PDE5A: variants seen among roughly 807,000 people sequenced by gnomAD.
The protein encoded by PDE5A is phosphodiesterase 5A.
In PDE5A, 67 loss-of-function variants were observed where a neutral mutation model predicts 110.2. The observed-to-expected ratio is 0.61, with a 90% confidence interval of 0.50 to 0.75. PDE5A has a LOEUF of 0.75. PDE5A is among the 30% of genes least tolerant of loss of function. The pLI, the probability that PDE5A is intolerant of heterozygous loss-of-function variation, is 0.00. For missense variants in PDE5A, 862 were observed against 1,045.1 expected (o/e 0.82, Z 2.42); for synonymous variants, 328 against 351.2 (o/e 0.93, Z 0.74).
In PDE5A at chr4:119,627,338, C is replaced by T; in HGVS notation, c.152+1182G>A. 9.1e-7 allele frequency: 1 copy of T among 1,101,438 alleles called. No individual in the cohort carries two copies. The highest frequency in any genetic ancestry group is 1.1e-6 in the Non-Finnish European group (1 of 900,320). The allele number at this position is 1,101,438 out of a possible 1,614,324, so 68.2% of individuals were successfully genotyped here. Reference sequence around the variant, plus strand: ...GCCGCCGCCCGTCGCCTCCCGCTCGCCCCGCGCTGCGCCGCCCCCTGGCGG... The same window carrying T: ...GCCGCCGCCCGTCGCCTCCCGCTCGTCCCGCGCTGCGCCGCCCCCTGGCGG... On this transcript the variant is annotated intron_variant, in intron 1 of 20. Transcript: ENST00000354960. This position sits in a 1 kb window ranked among gnomAD's most constrained non-coding sequence, Gnocchi z 4.6.
chr4:119,581,153 T>C (rs1433618227), intron 3 of PDE5A, among the ~76,000 whole-genome samples: 1 of 152,126 alleles, frequency 6.6e-6, no homozygotes, highest in East Asian at 1.9e-4. Context: ...CAGTATAGAG[T>C]GGTGTGCCCA....
At position 119,498,733 on chromosome 4, in the gene PDE5A, C is replaced by T; in HGVS notation, c.2496G>A (p.Leu832=). The change falls in exon 21 of 21, where the codon CTG becomes CTA. Residue 832 remains leucine, a synonymous_variant. Coordinates refer to ENST00000354960, the MANE Select transcript of PDE5A (RefSeq NM_001083.4). ...GGAAACAGTCCTCTGACACGTGGGTCAGGGCCTAAAGAGAAAAAAGAAAGC... is the reference window on the plus strand; with the variant it reads ...GGAAACAGTCCTCTGACACGTGGGTTAGGGCCTAAAGAGAAAAAAGAAAGC... ...DAICLQLYEA[L]THVSEDCFPL... 1 of 1,613,798 alleles carries T rather than the reference C, an allele frequency of 6.2e-7. No individual in the cohort carries two copies. The highest frequency in any genetic ancestry group is 2.2e-5 in the East Asian group (1 of 44,864).
chr4:119,527,768 G>A (rs1033036250), intron 11 of PDE5A, among the ~76,000 whole-genome samples: 3 of 150,918 alleles, frequency 2.0e-5, no homozygotes, highest in South Asian at 2.1e-4. Flanking sequence ...ATTGCATTAC[G>A]GTTTTGAAGC....
chr4:119,498,700 T>C lies in PDE5A; in HGVS notation c.2529A>G (p.Leu843=), dbSNP rs1725180879. Residue 843 remains leucine, a synonymous_variant, in exon 21 of 21, where the codon CTA becomes CTG. Transcript: ENST00000354960. The part of the protein sequence containing the change: ...THVSEDCFPL[L]DGCRKNRQKW... ...TCTGCCTGTTCTTTCTGCAGCCATCTAGCAAAGGGAAACAGTCCTCTGACA... is the reference window on the plus strand; with the variant it reads ...TCTGCCTGTTCTTTCTGCAGCCATCCAGCAAAGGGAAACAGTCCTCTGACA... 6.2e-7 allele frequency: 1 copy of C among 1,613,954 alleles called. No individual in the cohort carries two copies. The highest frequency in any genetic ancestry group is 1.1e-5 in the South Asian group (1 of 91,076).
At chr4:119,511,554 G>A (rs376052084) in intron 14 of PDE5A, among the ~76,000 whole-genome samples, 2 of 152,190 alleles carry the variant, frequency 1.3e-5, no homozygotes, top group East Asian at 3.9e-4. Flanking sequence ...TAATGCTCAG[G>A]CTGAAGGTCA....
intron 4 of PDE5A, among the ~76,000 whole-genome samples, chr4:119,566,795 T>G (rs555043891): frequency 6.6e-6 from 1 of 152,174 alleles, no homozygotes; most frequent in Non-Finnish European, 1.5e-5. Flanking sequence ...TAAAATACCA[T>G]AAGTCACCCT....
At chr4:119,542,752 C>T (rs2110487228) in intron 9 of PDE5A, 118 bp from the exon 10 acceptor site, 12 of 858,860 alleles carry the variant, frequency 1.4e-5, no homozygotes, top group Admixed American at 4.9e-5. Context: ...CTTAGTATGT[C>T]GAAATAAGCA....
At chr4:119,548,077 C>G (rs1299039098) in intron 9 of PDE5A, 1 of 107,586 alleles carries the variant, frequency 9.3e-6, no homozygotes, top group Non-Finnish European at 1.7e-5. Flanking sequence ...GAGACGGAGT[C>G]CCGCTCTTTA....
In PDE5A at chr4:119,606,589, C is replaced by T. The variant is rs1729537031; in HGVS notation, c.741+120G>A. 6.0e-6 allele frequency: 4 copies of T among 671,356 alleles called. No individual in the cohort carries two copies. In the Admixed American group the frequency reaches 8.0e-5, roughly 13 times the overall value. The allele number at this position is 671,356 out of a possible 1,614,324, so 41.6% of individuals were successfully genotyped here. On this transcript the variant is annotated intron_variant, in intron 2 of 20. Coordinates refer to ENST00000354960, the MANE Select transcript of PDE5A (RefSeq NM_001083.4). ...TTTTAAATAAGTATGCAAATTATTACATCTCAGTTTCAAATATCCCCACCA... is the reference window on the plus strand; with the variant it reads ...TTTTAAATAAGTATGCAAATTATTATATCTCAGTTTCAAATATCCCCACCA...
chr4:119,551,452 A>C (rs144818084), intron 9 of PDE5A, among the ~76,000 whole-genome samples: 1 of 152,296 alleles, frequency 6.6e-6, no homozygotes, highest in Non-Finnish European at 1.5e-5. Context: ...GAATTGTGCT[A>C]AGCTGATGTA....
chr4:119,599,385 A>G (rs1442968229), intron 2 of PDE5A, among the ~76,000 whole-genome samples: 2 of 152,278 alleles, frequency 1.3e-5, no homozygotes, highest in East Asian at 3.9e-4. Context: ...GTTGGACTTC[A>G]CAGATAAGGA....
chr4:119,507,627 A>G lies in PDE5A; in HGVS notation c.2166T>C (p.Ala722=). 2.5e-6 allele frequency: 4 copies of G among 1,579,756 alleles called. No homozygotes were observed. Among genetic ancestry groups the G allele is most frequent in the Non-Finnish European group, 3.4e-6 (4 of 1,166,548 alleles). The part of the protein sequence containing the change: ...TLKIIKQAIL[A]TDLALYIKRR... ...ACTTAATGTACAGTGCTAGGTCTGT[A>G]GCTAAAATAGCTTGCTTGATTATTT... The change falls in exon 16 of 21, where the codon GCT becomes GCC. Residue 722 remains alanine (A), a synonymous_variant. Transcript: ENST00000354960.
At chr4:119,623,745 G>A (rs1730244143) in intron 1 of PDE5A, among the ~76,000 whole-genome samples, 2 of 152,104 alleles carry the variant, frequency 1.3e-5, no homozygotes, top group Non-Finnish European at 2.9e-5. Flanking sequence ...ACATAAACGT[G>A]TGAAAATATT....
At chr4:119,615,059 A>C (rs1305628764) in intron 1 of PDE5A, among the ~76,000 whole-genome samples, 1 of 152,112 alleles carries the variant, frequency 6.6e-6, no homozygotes, top group Non-Finnish European at 1.5e-5. Flanking sequence ...AAACAATTAC[A>C]ACTTCTCTGG....
intron 1 of PDE5A, 46 bp from the exon 2 acceptor site, chr4:119,607,343 G>A: frequency 7.9e-7 from 1 of 1,258,046 alleles, no homozygotes; most frequent in Non-Finnish European, 1.1e-6. Context: ...GAAGAGGAAG[G>A]GTGCTATGCC....
At chr4:119,542,813 A>G (rs1287362107) in intron 9 of PDE5A, among the ~76,000 whole-genome samples, 179 bp from the exon 10 acceptor site, 1 of 152,108 alleles carries the variant, frequency 6.6e-6, no homozygotes, top group Non-Finnish European at 1.5e-5. Flanking sequence ...TTTATATGAG[A>G]ACTAGTTTCA....
chr4:119,521,255 A>G (rs1460297173), intron 12 of PDE5A, among the ~76,000 whole-genome samples, 195 bp from the exon 13 acceptor site: 2 of 152,092 alleles, frequency 1.3e-5, no homozygotes, highest in East Asian at 3.9e-4. Flanking sequence ...CCAAAATTCT[A>G]ACTTGAGCAA....
At chr4:119,626,566 G>A (rs1440111753) in intron 1 of PDE5A, among the ~76,000 whole-genome samples, 1 of 152,222 alleles carries the variant, frequency 6.6e-6, no homozygotes, top group Non-Finnish European at 1.5e-5. Context: ...TCTATGCGCT[G>A]TAATTCAAGG....
chr4:119,565,931 TATTG>T (rs1274251689), intron 4 of PDE5A, among the ~76,000 whole-genome samples: 1 of 148,186 alleles, frequency 6.7e-6, no homozygotes, highest in Non-Finnish European at 1.5e-5. Flanking sequence ...TTATATTAAT[TATTG>T]ATTGACTATT....
Sources: allele counts gnomAD v4.1 joint callset (sites outside exome capture counted in the v4.1 genomes callset), GRCh38; gene constraint gnomAD v4.1.1; non-coding constraint Gnocchi (gnomAD v3.1); transcripts MANE v1.5; gene names NCBI Gene and HGNC (gene_info 2026-07-23, HGNC 2026-07-21).